The following ADGRL2 variants were observed in gnomAD, a reference collection of about 807,000 sequenced individuals.
The protein encoded by ADGRL2 is adhesion G protein-coupled receptor L2.
ADGRL2 carries 44 observed loss-of-function variants against 157.4 expected under a neutral mutation model. The observed-to-expected ratio is 0.28, with a 90% CI of 0.22 to 0.36. The LOEUF is 0.36. Among genes scored for constraint, ADGRL2 ranks in the 10% least tolerant of loss-of-function variants. The probability of loss-of-function intolerance (pLI) is 1.00; values close to 1 mark genes in which losing one functional copy is unlikely to be tolerated. For missense variants in ADGRL2, 1,510 were observed against 1,768.9 expected, an observed-to-expected ratio of 0.85 and a Z score of 2.63; for synonymous variants, 585 against 624.7, an observed-to-expected ratio of 0.94 and a Z score of 0.95.
chr1:81,564,902 G>A (rs1014459766), intron 2 of ADGRL2, among the ~76,000 whole-genome samples: 9 of 152,118 alleles, frequency 5.9e-5, no homozygotes, highest in Admixed American at 5.2e-4. Flanking sequence ...CCTAATTCAG[G>A]CAGAGCCTAA....
intron 13 of ADGRL2, among the ~76,000 whole-genome samples, chr1:81,967,471 C>T (rs1657455399): frequency 6.6e-6 from 1 of 152,076 alleles, no homozygotes; most frequent in African/African-American, 2.4e-5. Flanking sequence ...CTGTGTTAGC[C>T]AGGATGGTCT....
intron 4 of ADGRL2, among the ~76,000 whole-genome samples, chr1:81,939,164 G>A (rs1404724434): frequency 6.6e-6 from 1 of 151,608 alleles, no homozygotes; most frequent in Admixed American, 6.6e-5. Flanking sequence ...TTGCTCAACA[G>A]AGAACATTAG....
intron 2 of ADGRL2, among the ~76,000 whole-genome samples, chr1:81,492,732 A>G (rs2078659364): frequency 6.6e-6 from 1 of 152,216 alleles, no homozygotes; most frequent in South Asian, 2.1e-4. Context: ...AAGAAGTTTT[A>G]AACAGCAAGG....
intron 4 of ADGRL2, among the ~76,000 whole-genome samples, chr1:81,939,090 A>G (rs968192020): frequency 9.9e-5 from 15 of 151,710 alleles, no homozygotes; most frequent in African/African-American, 3.1e-4. Context: ...ATATATTCCA[A>G]TTAAGTCCTA....
At chr1:81,343,859 C>T (rs575034953) in intron 1 of ADGRL2, among the ~76,000 whole-genome samples, 93 of 152,270 alleles carry the variant, frequency 6.1e-4, no homozygotes, top group African/African-American at 2.1e-3. Context: ...AAGTCCTCAC[C>T]TCCTAATACC....
intron 1 of ADGRL2, among the ~76,000 whole-genome samples, chr1:81,732,476 G>A (rs572700128): frequency 6.6e-6 from 1 of 152,140 alleles, no homozygotes; most frequent in East Asian, 1.9e-4. Flanking sequence ...CCTTACAGAG[G>A]TACTGTTTTA....
chr1:81,895,089 CACTT>C (rs1171279869), intron 2 of ADGRL2, among the ~76,000 whole-genome samples: 4 of 152,262 alleles, frequency 2.6e-5, no homozygotes, highest in East Asian at 1.9e-4. Context: ...CTTTCTAAGA[CACTT>C]GCTTGAGTCA....
At chr1:81,542,110 T>C (rs576212359) in intron 2 of ADGRL2, among the ~76,000 whole-genome samples, 18 of 152,356 alleles carry the variant, frequency 1.2e-4, no homozygotes, top group Admixed American at 5.9e-4. Flanking sequence ...ATTATTGGCA[T>C]TGGAGAACTT....
At chr1:81,428,583 G>A (rs1460114065) in intron 1 of ADGRL2, among the ~76,000 whole-genome samples, 1 of 152,194 alleles carries the variant, frequency 6.6e-6, no homozygotes, top group Non-Finnish European at 1.5e-5. Flanking sequence ...TCATAAGAGA[G>A]AGGGAAGTGG....
rs140285089 is a variant in ADGRL2 at position 81,711,819 on chromosome 1, G to A, written c.-143+12011G>A. On this transcript the variant is annotated intron_variant, in intron 1 of 20. Transcript: ENST00000359929. ...TACAAATCCCCCTGAAAGGGTCCAGGGACCCCAGAGGATCTGCTGACTTCA... is the reference window on the plus strand; with the variant it reads ...TACAAATCCCCCTGAAAGGGTCCAGAGACCCCAGAGGATCTGCTGACTTCA... Among the ~76,000 whole-genome samples, 29 of 152,200 alleles carry A rather than the reference G, an allele frequency of 1.9e-4. No individual in the cohort carries two copies. The East Asian group carries it at 4.2e-3, about 22-fold the overall frequency.
intron 17 of ADGRL2, among the ~76,000 whole-genome samples, chr1:81,979,029 C>G (rs1660924721): frequency 6.6e-6 from 1 of 151,748 alleles, no homozygotes; most frequent in Non-Finnish European, 1.5e-5. Flanking sequence ...TCCTCTTCTT[C>G]CAACATTCTG....
At chr1:81,822,682 A>G (rs1020443546) in intron 1 of ADGRL2, among the ~76,000 whole-genome samples, 4 of 151,978 alleles carry the variant, frequency 2.6e-5, no homozygotes, top group African/African-American at 9.7e-5. Context: ...TTTGTAACAC[A>G]GTTTTTATTT....
chr1:81,985,195 C>G (rs1662802282), intron 20 of ADGRL2, 64 bp from the exon 21 acceptor site: 1 of 928,440 alleles, frequency 1.1e-6, no homozygotes, highest in Admixed American at 2.0e-5. Context: ...CCTTGTATGT[C>G]TTTAATAAGG....
chr1:81,489,384 T>A (rs2078581875), intron 2 of ADGRL2, among the ~76,000 whole-genome samples: 1 of 152,008 alleles, frequency 6.6e-6, no homozygotes, highest in Admixed American at 6.6e-5. Context: ...ATCAGCAAAC[T>A]TGAAGACAGG....
At chr1:81,655,771 G>A (rs529104931) in intron 3 of ADGRL2, among the ~76,000 whole-genome samples, 2 of 151,852 alleles carry the variant, frequency 1.3e-5, no homozygotes, top group South Asian at 2.1e-4. Flanking sequence ...GAAACCATCA[G>A]CTGTGATCTC....
At chr1:81,550,995 T>G (rs990194960) in intron 2 of ADGRL2, among the ~76,000 whole-genome samples, 1 of 152,248 alleles carries the variant, frequency 6.6e-6, no homozygotes, top group South Asian at 2.1e-4. Context: ...AGGAGGGGCT[T>G]TGAAGTCAGA....
At chr1:81,328,043 A>G (rs373082556) in intron 1 of ADGRL2, among the ~76,000 whole-genome samples, 16 of 152,180 alleles carry the variant, frequency 1.1e-4, no homozygotes, top group East Asian at 7.7e-4. Flanking sequence ...AACAAAAAAC[A>G]AAAAGGCTTT....
chr1:81,473,797 A>G (rs2078219935), intron 2 of ADGRL2, among the ~76,000 whole-genome samples: 1 of 151,054 alleles, frequency 6.6e-6, no homozygotes, highest in African/African-American at 2.4e-5. Flanking sequence ...TTTTTTTCCC[A>G]CTTCAAGATA....
chr1:81,530,603 C>A (rs756481696), intron 2 of ADGRL2, among the ~76,000 whole-genome samples: 5 of 152,054 alleles, frequency 3.3e-5, no homozygotes, highest in Non-Finnish European at 7.3e-5. Flanking sequence ...ACTGCCTCAG[C>A]CTCCCAAAGT....
Sources: allele counts gnomAD v4.1 joint callset (sites outside exome capture counted in the v4.1 genomes callset), GRCh38; gene constraint gnomAD v4.1.1; transcripts MANE v1.5; gene names NCBI Gene and HGNC (gene_info 2026-07-23, HGNC 2026-07-21).